Variants in BAIAP2L1 observed in about 807,000 individuals in gnomAD.
BAIAP2L1 encodes BAR/IMD domain-containing adapter protein 2-like 1.
In BAIAP2L1, 35 loss-of-function variants were observed where a neutral mutation model predicts 66.3. The observed-to-expected ratio is 0.53, with a 90% confidence interval of 0.40 to 0.70. The LOEUF (loss-of-function observed/expected upper bound fraction) is 0.70, where lower values mean the gene tolerates loss of function less well. BAIAP2L1 is among the 30% of genes least tolerant of loss of function. The pLI, the probability that BAIAP2L1 is intolerant of heterozygous loss-of-function variation, is 0.00. For synonymous variants in BAIAP2L1, 269 were observed against 248.7 expected, an observed-to-expected ratio of 1.08 and a Z score of -0.77; for missense variants, 622 against 656.9, an observed-to-expected ratio of 0.95 and a Z score of 0.58.
intron 3 of BAIAP2L1, among the ~76,000 whole-genome samples, 156 bp from the exon 4 acceptor site, chr7:98,320,454 G>C (rs1163327118): frequency 6.6e-6 from 1 of 152,172 alleles, no homozygotes; most frequent in Non-Finnish European, 1.5e-5. Flanking sequence ...TCCTGCCTCA[G>C]CCTCCCAAAT....
In BAIAP2L1 at chr7:98,312,382, G is replaced by A. The variant is rs1800906084; in HGVS notation, c.640-118C>T. The A allele has an allele frequency of 6.9e-6, 8 of 1,156,310 alleles. No homozygotes were observed. The South Asian group carries it at 7.9e-5, about 11-fold the overall frequency. 71.6% of individuals were successfully genotyped at this position (1,156,310 alleles called of 1,614,324 possible). A position where few individuals can be genotyped will look rare whatever the true frequency, so the allele number is the denominator to read the frequency against. On this transcript the variant is annotated intron_variant, in intron 7 of 13. Coordinates refer to ENST00000005260, the MANE Select transcript of BAIAP2L1 (RefSeq NM_018842.5). ...CTGGCTTAGCACCAGGAGTGTGGGG[G>A]CCCTGGGTTAAACTCGGTGAGCACT...
chr7:98,306,922 C>CT (rs1321342603), intron 10 of BAIAP2L1: 79 of 167,358 alleles, frequency 4.7e-4, no homozygotes, highest in South Asian at 1.0e-3. Flanking sequence ...TGGATTACCC[C>CT]TTTTTTTTTC....
intron 10 of BAIAP2L1, 97 bp from the exon 11 acceptor site, chr7:98,306,613 A>C: frequency 1.3e-6 from 2 of 1,561,342 alleles, no homozygotes; most frequent in Admixed American, 3.6e-5. Flanking sequence ...AGACAGGTCC[A>C]CTGCTCCAGA....
chr7:98,393,404 C>G (rs1803119038), intron 1 of BAIAP2L1, among the ~76,000 whole-genome samples: 1 of 151,854 alleles, frequency 6.6e-6, no homozygotes, highest in Non-Finnish European at 1.5e-5. Context: ...TAAACTGGAG[C>G]TCGGAGTGGG....
chr7:98,310,663 GTTT>G (rs1278404391), intron 8 of BAIAP2L1, 71 bp from the exon 9 acceptor site: 4 of 937,302 alleles, frequency 4.3e-6, no homozygotes, highest in African/African-American at 3.6e-5. Context: ...TCCCAAGGCT[GTTT>G]TTTTTTTTTA....
rs562322341 is a variant in BAIAP2L1 at position 98,400,685 on chromosome 7, G to A, written c.51+117C>T. On this transcript the variant is annotated intron_variant, in intron 1 of 13. Transcript: ENST00000005260. ...AGGAGTGGGAGAGACCGGGAGAGGT[G>A]GAAGGACGCGGGGGAGGGGAGCTGG... 8 of 1,211,662 alleles carry A rather than the reference G, an allele frequency of 6.6e-6. No individual in the cohort carries two copies. In the East Asian group the frequency reaches 1.8e-4, roughly 28 times the overall value. 75.1% of individuals were successfully genotyped at this position (1,211,662 alleles called of 1,614,324 possible).
At chr7:98,301,123 C>T (rs1431782156) in intron 12 of BAIAP2L1, among the ~76,000 whole-genome samples, 2 of 152,182 alleles carry the variant, frequency 1.3e-5, no homozygotes, top group Non-Finnish European at 2.9e-5. Flanking sequence ...AAAACCCCTC[C>T]CCCACAGCCA....
chr7:98,339,902 T>C (rs1801700959), intron 3 of BAIAP2L1, among the ~76,000 whole-genome samples: 1 of 152,160 alleles, frequency 6.6e-6, no homozygotes, highest in East Asian at 1.9e-4. Context: ...CCCAGGTCCT[T>C]TGCGCCACCC....
chr7:98,293,708 C>A (rs1334878811), intron 13 of BAIAP2L1, 112 bp from the exon 14 acceptor site: 3 of 1,038,634 alleles, frequency 2.9e-6, no homozygotes, highest in East Asian at 2.4e-5. Flanking sequence ...TGACCACCTC[C>A]CCAGCTTGTA....
At chr7:98,400,714 G>T in intron 1 of BAIAP2L1, 88 bp downstream of exon 1, 1 of 1,434,254 alleles carries the variant, frequency 7.0e-7, no homozygotes, top group East Asian at 2.5e-5. Context: ...GAGCTGGAGG[G>T]AGGGAAAGTA....
chr7:98,398,540 G>A (rs1238923503), intron 1 of BAIAP2L1, among the ~76,000 whole-genome samples: 1 of 151,756 alleles, frequency 6.6e-6, no homozygotes, highest in Admixed American at 6.6e-5. Flanking sequence ...AACATTTAGT[G>A]AGCTTTCCAG....
At chr7:98,331,510 C>A (rs1801494288) in intron 3 of BAIAP2L1, among the ~76,000 whole-genome samples, 2 of 136,242 alleles carry the variant, frequency 1.5e-5, no homozygotes, top group African/African-American at 2.7e-5. Context: ...CTCTTGTCGT[C>A]CAGGCTGGAG....
chr7:98,343,237 G>C (rs1554335874), intron 3 of BAIAP2L1, among the ~76,000 whole-genome samples: 2 of 123,254 alleles, frequency 1.6e-5, no homozygotes. Flanking sequence ...GTCTCTACTG[G>C]AAAAAAAAAA....
chr7:98,317,470 C>T (rs1562971204), intron 5 of BAIAP2L1, 114 bp from the exon 6 acceptor site: 1 of 1,339,840 alleles, frequency 7.5e-7, no homozygotes, highest in Non-Finnish European at 1.0e-6. Context: ...GACACCCTCA[C>T]TTCACACCAT....
chr7:98,293,959 G>T, intron 13 of BAIAP2L1, 115 bp downstream of exon 13: 1 of 1,234,858 alleles, frequency 8.1e-7, no homozygotes, highest in Non-Finnish European at 1.2e-6. Flanking sequence ...GGCTCCACAG[G>T]CCGAGGCCTT....
At chr7:98,296,884 G>A (rs1256925894) in intron 12 of BAIAP2L1, among the ~76,000 whole-genome samples, 1 of 152,154 alleles carries the variant, frequency 6.6e-6, no homozygotes, top group Non-Finnish European at 1.5e-5. Context: ...TCCTCCCTGC[G>A]TCCCTGTCTC....
At chr7:98,361,735 CTTCTTTTTT>C (rs1225311274) in intron 2 of BAIAP2L1, among the ~76,000 whole-genome samples, 1 of 152,026 alleles carries the variant, frequency 6.6e-6, no homozygotes, top group Non-Finnish European at 1.5e-5. Flanking sequence ...AAAAAAATTT[CTTCTTTTTT>C]TTCTTTTTTG....
Position 98,320,136 on chromosome 7 carries a change from A to C in BAIAP2L1, c.277-7T>G. 1 of 1,608,568 alleles carries C rather than the reference A, an allele frequency of 6.2e-7. No individual in the cohort carries two copies. Among genetic ancestry groups the C allele is most frequent in the Middle Eastern group, 1.7e-4 (1 of 6,050 alleles). The stretch of plus-strand genomic sequence containing the variant: ...CTTTGTGGAATTTTTTAAACTGTTA[A>C]CAAAAGGAAATAAATTCATACCAGG... On this transcript the variant is annotated splice_polypyrimidine_tract_variant and splice_region_variant and intron_variant, in intron 4 of 13. Transcript: ENST00000005260.
At chr7:98,312,372 G>C (rs1800905419) in intron 7 of BAIAP2L1, 108 bp from the exon 8 acceptor site, 2 of 1,231,182 alleles carry the variant, frequency 1.6e-6, no homozygotes, top group Admixed American at 2.3e-5. Context: ...TTAGCACCAG[G>C]AGTGTGGGGG....
Sources: gnomAD v4.1 joint callset for allele counts (sites outside exome capture counted in the v4.1 genomes callset) on GRCh38, gnomAD v4.1.1 for gene constraint, MANE v1.5 for transcripts, NCBI Gene and HGNC (gene_info 2026-07-23, HGNC 2026-07-21) for gene names.